CCDC200: variants seen among roughly 807,000 people sequenced by gnomAD.
CCDC200 encodes the protein coiled-coil domain containing 200, also known as coiled-coil domain-containing protein 200.
chr17:43,226,971 T>G (rs1290994497), intron 1 of CCDC200, among the ~76,000 whole-genome samples: 1 of 152,064 alleles, frequency 6.6e-6, no homozygotes, highest in Non-Finnish European at 1.5e-5. Flanking sequence ...TATTTATATT[T>G]TTGTTGTTGT....
chr17:43,225,923 G>A (rs988399832), intron 1 of CCDC200, among the ~76,000 whole-genome samples: 20 of 150,470 alleles, frequency 1.3e-4, no homozygotes, highest in Admixed American at 2.7e-4. Flanking sequence ...TAGTAGAGGC[G>A]GGGTTTCACC....
chr17:43,226,267 G>C (rs2057569040), intron 1 of CCDC200: 1 of 152,284 alleles, frequency 6.6e-6, no homozygotes, highest in African/African-American at 2.4e-5. Context: ...CTTGAGCCCA[G>C]GAGATCAAGG....
At chr17:43,224,971 T>C (rs2057556948) in intron 1 of CCDC200, 1 of 152,038 alleles carries the variant, frequency 6.6e-6, no homozygotes, top group Non-Finnish European at 1.5e-5. Context: ...CTCAAGTGAT[T>C]CTCCTGCCTC....
At chr17:43,224,957 T>A (rs550500927) in intron 1 of CCDC200, 1 of 152,198 alleles carries the variant, frequency 6.6e-6, no homozygotes, top group Non-Finnish European at 1.5e-5. Context: ...CTGGAACTAC[T>A]GGGCTCAAGT....
chr17:43,226,807 AAAC>A (rs1216112433), intron 1 of CCDC200, among the ~76,000 whole-genome samples: 2 of 152,190 alleles, frequency 1.3e-5, no homozygotes, highest in Non-Finnish European at 2.9e-5. Context: ...CTTGAATTTG[AAAC>A]AACAGCACAT....
At chr17:43,226,303 C>T (rs1226451602) in intron 1 of CCDC200, 1 of 152,098 alleles carries the variant, frequency 6.6e-6, no homozygotes, top group East Asian at 1.9e-4. Context: ...AATGGGCCGT[C>T]ACACTCCAGG....
intron 1 of CCDC200, chr17:43,226,180 C>T (rs1380809223): frequency 6.6e-6 from 1 of 151,974 alleles, no homozygotes; most frequent in Non-Finnish European, 1.5e-5. Flanking sequence ...GAGACCTGGT[C>T]TTTACAAAAA....
intron 1 of CCDC200, chr17:43,224,946 T>C (rs573240107): frequency 6.6e-6 from 1 of 151,988 alleles, no homozygotes; most frequent in Non-Finnish European, 1.5e-5. Context: ...CTCACTGTAA[T>C]CTGGAACTAC....
chr17:43,221,859 A>C (rs796847374), intron 3 of CCDC200, among the ~76,000 whole-genome samples: 6 of 152,122 alleles, frequency 3.9e-5, no homozygotes, highest in South Asian at 2.1e-4. Context: ...CTGTAATCCC[A>C]GCACTTTGGG....
intron 3 of CCDC200, among the ~76,000 whole-genome samples, chr17:43,222,696 T>G (rs993691928): frequency 6.6e-6 from 1 of 151,100 alleles, no homozygotes; most frequent in African/African-American, 2.4e-5. Flanking sequence ...GCTCAAGCGA[T>G]CTTCACCTTA....
intron 1 of CCDC200, among the ~76,000 whole-genome samples, chr17:43,226,937 T>C (rs534568103): frequency 6.6e-6 from 1 of 152,168 alleles, no homozygotes; most frequent in Non-Finnish European, 1.5e-5. Flanking sequence ...TTAAAATTTT[T>C]CCAGTATGTA....
chr17:43,230,976 T>G (rs2057593802), upstream of CCDC200, among the ~76,000 whole-genome samples: 1 of 29,314 alleles, frequency 3.4e-5, no homozygotes, highest in Admixed American at 7.2e-4. Flanking sequence ...TGAGACTCCG[T>G]CTCAAAAAAA....
At chr17:43,222,890 C>T (rs933378394) in intron 3 of CCDC200, among the ~76,000 whole-genome samples, 3 of 151,480 alleles carry the variant, frequency 2.0e-5, no homozygotes, top group Admixed American at 1.3e-4. Flanking sequence ...CTGCCTCAGC[C>T]TCCCGAGCAG....
chr17:43,231,088 T>A (rs2057594113), upstream of CCDC200, among the ~76,000 whole-genome samples: 2 of 98,656 alleles, frequency 2.0e-5, 1 homozygote, highest in Non-Finnish European at 5.4e-5. Flanking sequence ...GAGACCAGCC[T>A]GACCAACATG....
intron 1 of CCDC200, among the ~76,000 whole-genome samples, chr17:43,225,419 C>G (rs1374781584): frequency 6.6e-6 from 1 of 151,240 alleles, no homozygotes; most frequent in African/African-American, 2.4e-5. Flanking sequence ...CATCCCAGCA[C>G]TTTGGGAAGC....
At chr17:43,226,906 T>C (rs2057573008) in intron 1 of CCDC200, among the ~76,000 whole-genome samples, 1 of 152,228 alleles carries the variant, frequency 6.6e-6, no homozygotes, top group Non-Finnish European at 1.5e-5. Flanking sequence ...GATGTACATA[T>C]CCAAATTGTC....
At chr17:43,222,961 G>A (rs1567879894) in intron 3 of CCDC200, among the ~76,000 whole-genome samples, 1 of 151,810 alleles carries the variant, frequency 6.6e-6, no homozygotes, top group East Asian at 1.9e-4. Context: ...TAGAGATGGG[G>A]TTTCGCCATG....
In CCDC200 at chr17:43,227,883, T is replaced by C. The variant is rs2057581556; in HGVS notation, c.105+567A>G. On this transcript the variant is annotated intron_variant, in intron 1 of 3. Coordinates refer to ENST00000636331, the MANE Select transcript of CCDC200 (RefSeq NM_001363254.2). ...CAGCACTTTGGGAGGCTGAGGTGGG[T>C]GGATCACCTGAGGTCGGGAGTTTGA... 2.6e-5 allele frequency among the ~76,000 whole-genome samples: 4 copies of C among 152,376 alleles called. No individual in the cohort carries two copies. The South Asian group carries it at 8.3e-4, about 32-fold the overall frequency.
intron 2 of CCDC200, 83 bp downstream of exon 2, chr17:43,224,151 A>T (rs2057552078): frequency 1.3e-5 from 2 of 152,604 alleles, no homozygotes; most frequent in African/African-American, 4.8e-5. Flanking sequence ...GTCTGTAAGG[A>T]TTTTCTGCCC....
Sources: gnomAD v4.1 joint callset for allele counts (sites outside exome capture counted in the v4.1 genomes callset) on GRCh38, gnomAD v4.1.1 for gene constraint, MANE v1.5 for transcripts, NCBI Gene and HGNC (gene_info 2026-07-23, HGNC 2026-07-21) for gene names.